ACACA: variants seen among roughly 807,000 people sequenced by gnomAD.
ACACA encodes the protein acetyl-CoA carboxylase alpha.
In ACACA, 103 loss-of-function variants were observed where a neutral mutation model predicts 296.1. That is an observed-to-expected ratio of 0.35 (90% CI 0.30 to 0.41). ACACA has a LOEUF of 0.41. Among genes scored for constraint, ACACA ranks in the 10% least tolerant of loss-of-function variants. ACACA has a pLI of 1.00. For synonymous variants in ACACA, 953 were observed against 1,038.6 expected, an observed-to-expected ratio of 0.92 and a Z score of 1.58; for missense variants, 1,554 against 2,989.7, an observed-to-expected ratio of 0.52 and a Z score of 11.20.
chr17:37,189,101 G>A (rs2077648587), intron 38 of ACACA, among the ~76,000 whole-genome samples: 1 of 152,198 alleles, frequency 6.6e-6, no homozygotes. Context: ...TGGGGCAGAT[G>A]TTCCCACATT....
chr17:37,181,987 T>C (rs1010589682), intron 39 of ACACA, among the ~76,000 whole-genome samples: 5 of 149,346 alleles, frequency 3.3e-5, no homozygotes, highest in Non-Finnish European at 5.9e-5. Context: ...CTGACCATGC[T>C]AGCCATCTAA....
At chr17:37,240,148 G>A (rs2080320122) in intron 24 of ACACA, among the ~76,000 whole-genome samples, 1 of 152,186 alleles carries the variant, frequency 6.6e-6, no homozygotes, top group Non-Finnish European at 1.5e-5. Flanking sequence ...CTCAATTTCA[G>A]CCTGTGATGA....
At position 37,306,321 on chromosome 17, in the gene ACACA, G is replaced by C. The variant is rs184227208; in HGVS notation, c.339-21351C>G. On this transcript the variant is annotated intron_variant, in intron 3 of 55. Transcript: ENST00000616317. Reference sequence around the variant, plus strand: ...TTGTCAATCTTCATAATTGGTTTTTGTGTTGAAGATCTGCCAGTCTCCTCA... The same window carrying C: ...TTGTCAATCTTCATAATTGGTTTTTCTGTTGAAGATCTGCCAGTCTCCTCA... Among the ~76,000 whole-genome samples the C allele has an allele frequency of 1.8e-3, 268 of 152,256 alleles. 4 individuals carry two copies. The highest frequency in any genetic ancestry group is 5.3e-4 in the Non-Finnish European group (36 of 68,020).
chr17:37,392,498 T>G (rs912947004), intron 1 of ACACA: 3 of 152,088 alleles, frequency 2.0e-5, no homozygotes, highest in African/African-American at 7.2e-5. Flanking sequence ...GGTGAGAAAG[T>G]GAAACCACCT....
intron 50 of ACACA, among the ~76,000 whole-genome samples, chr17:37,119,589 A>AAC (rs71368443): frequency 0.085 from 10,916 of 128,158 alleles, 511 homozygotes; most frequent in Middle Eastern, 0.14. Flanking sequence ...TTTTCAACCA[A>AAC]ACACACACAC....
At chr17:37,291,008 G>T (rs1037035084) in intron 3 of ACACA, among the ~76,000 whole-genome samples, 1 of 150,516 alleles carries the variant, frequency 6.6e-6, no homozygotes, top group Non-Finnish European at 1.5e-5. Flanking sequence ...CTTGAACCTG[G>T]GAGGTAGAGG....
chr17:37,151,268 T>G, intron 44 of ACACA, 33 bp downstream of exon 44: 1 of 1,613,454 alleles, frequency 6.2e-7, no homozygotes, highest in Non-Finnish European at 8.5e-7. Flanking sequence ...CACAGCCAGT[T>G]CTTCAAAAAT....
In ACACA at chr17:37,257,822, G is replaced by A. The variant is rs2081287839; in HGVS notation, c.1707C>T (p.Arg569=). ...AATATCCCCAAACATTCTTATTGCT[G>A]CGGAAATTTAGCTCCTGAACTGTTC... The part of the protein sequence containing the change: ...SSGTVQELNF[R]SNKNVWGYFS... Residue 569 remains arginine, a synonymous_variant, in exon 14 of 56, where the codon CGC becomes CGT. Coordinates refer to ENST00000616317, the MANE Select transcript of ACACA (RefSeq NM_198834.3). The A allele has an allele frequency of 1.2e-6, 2 of 1,614,198 alleles. No individual in the cohort carries two copies. Among genetic ancestry groups the A allele is most frequent in the African/African-American group, 1.3e-5 (1 of 75,058 alleles).
intron 8 of ACACA, among the ~76,000 whole-genome samples, chr17:37,275,495 CAAAAAAAAAA>C (rs34064045): frequency 1.6e-4 from 10 of 61,658 alleles, no homozygotes; most frequent in African/African-American, 2.0e-4. Context: ...GACTCCAACT[CAAAAAAAAAA>C]AAAAAAAAGA....
At chr17:37,277,533 C>G (rs2082332039) in intron 6 of ACACA, among the ~76,000 whole-genome samples, 1 of 152,106 alleles carries the variant, frequency 6.6e-6, no homozygotes, top group Admixed American at 6.6e-5. Flanking sequence ...AGGTACCTAC[C>G]CTAAACTTAC....
chr17:37,119,209 C>T (rs531184322), intron 50 of ACACA, among the ~76,000 whole-genome samples: 1 of 152,270 alleles, frequency 6.6e-6, no homozygotes, highest in East Asian at 1.9e-4. Context: ...TGATATACTA[C>T]TACCATCTTC....
chr17:37,384,609 T>C (rs1369650956), intron 1 of ACACA, among the ~76,000 whole-genome samples: 1 of 152,134 alleles, frequency 6.6e-6, no homozygotes, highest in Non-Finnish European at 1.5e-5. Context: ...CAAAGTGAGA[T>C]TTGTTTATTT....
chr17:37,283,456 C>T, intron 4 of ACACA, 51 bp from the exon 5 acceptor site: 1 of 1,599,312 alleles, frequency 6.3e-7, no homozygotes, highest in Non-Finnish European at 8.6e-7. Flanking sequence ...AAAAAAGCAA[C>T]AATGGAGGAA....
At chr17:37,277,687 A>C (rs1173027048) in intron 6 of ACACA, among the ~76,000 whole-genome samples, 1 of 152,076 alleles carries the variant, frequency 6.6e-6, no homozygotes, top group African/African-American at 2.4e-5. Flanking sequence ...ATGCTTCCAA[A>C]CCTTCTGTTT....
chr17:37,277,752 T>A, intron 6 of ACACA, 144 bp downstream of exon 6: 1 of 670,238 alleles, frequency 1.5e-6, no homozygotes, highest in East Asian at 2.7e-5. Context: ...TTCTTTTCCT[T>A]ATTTGGTTTA....
chr17:37,255,969 A>T (rs1427157355), intron 14 of ACACA, among the ~76,000 whole-genome samples: 1 of 151,742 alleles, frequency 6.6e-6, no homozygotes, highest in Non-Finnish European at 1.5e-5. Flanking sequence ...TTGGTCTCAA[A>T]CTCCTGACCT....
In ACACA at chr17:37,406,460, C is replaced by T; in HGVS notation, c.-161G>A. 4.0e-6 allele frequency: 3 copies of T among 749,230 alleles called. No individual in the cohort carries two copies. The highest frequency in any genetic ancestry group is 1.5e-5 in the South Asian group (1 of 66,646). The allele number at this position is 749,230 out of a possible 1,614,324, so 46.4% of individuals were successfully genotyped here. A position where few individuals can be genotyped will look rare whatever the true frequency, so the allele number is the denominator to read the frequency against. ...CATCCACGAGCAGCCCTTCGGGGCC[C>T]GGACTGGAGAGGCGCCACGGCTCGC... On this transcript the variant is annotated 5_prime_UTR_variant, in exon 1 of 56. Transcript: ENST00000616317.
chr17:37,173,214 C>A (rs1019452772), intron 41 of ACACA, among the ~76,000 whole-genome samples: 11 of 152,182 alleles, frequency 7.2e-5, no homozygotes, highest in African/African-American at 1.7e-4. Context: ...ACACTCTCTA[C>A]AGGCAGAGTT....
chr17:37,097,293 T>C lies in ACACA; in HGVS notation c.6721-127A>G. On this transcript the variant is annotated intron_variant, in intron 53 of 55. Coordinates refer to ENST00000616317, the MANE Select transcript of ACACA (RefSeq NM_198834.3). The surrounding 1 kb of genome is among the most constrained non-coding windows in gnomAD (Gnocchi z 4.8). ...CCTTCACAGACCCAAGAGCTGGCTG[T>C]AAACTCCTAGCACTTCCAGATGTCC... is the stretch of plus-strand genomic sequence containing the variant. 1 of 1,096,384 alleles carries C rather than the reference T, an allele frequency of 9.1e-7. No individual in the cohort carries two copies. The highest frequency in any genetic ancestry group is 1.3e-6 in the Non-Finnish European group (1 of 747,044). The allele number at this position is 1,096,384 out of a possible 1,614,324, so 67.9% of individuals were successfully genotyped here.
Sources: gnomAD v4.1 joint callset for allele counts (sites outside exome capture counted in the v4.1 genomes callset) on GRCh38, gnomAD v4.1.1 for gene constraint, Gnocchi (gnomAD v3.1) non-coding constraint, MANE v1.5 for transcripts, NCBI Gene and HGNC (gene_info 2026-07-23, HGNC 2026-07-21) for gene names.